LCOR: variants seen among roughly 807,000 people sequenced by gnomAD.
The protein encoded by LCOR is ligand dependent nuclear receptor corepressor.
A neutral mutation model predicts 64.4 loss-of-function variants in LCOR; 14 were observed. That is an observed-to-expected ratio of 0.22 (90% CI 0.14 to 0.34). The LOEUF (loss-of-function observed/expected upper bound fraction) is 0.34. LCOR is among the 10% of genes least tolerant of loss of function. LCOR has a pLI of 1.00. For missense variants in LCOR, 1,686 were observed against 1,765.3 expected (o/e 0.96, Z 0.80); for synonymous variants, 643 against 642.5 (o/e 1.00, Z -0.01).
At chr10:96,865,463 T>C in intron 2 of LCOR, among the ~76,000 whole-genome samples, 1 of 152,220 alleles carries the variant, frequency 6.6e-6, no homozygotes, top group East Asian at 1.9e-4. Context: ...TCTATCTCTC[T>C]CTTTCCAAAA....
At chr10:96,966,257 C>A (rs1039825695) in intron 7 of LCOR, among the ~76,000 whole-genome samples, 1 of 106,486 alleles carries the variant, frequency 9.4e-6, no homozygotes, top group Non-Finnish European at 1.7e-5. Context: ...GAGACGGAGT[C>A]TCGCTGTGTC....
intron 4 of LCOR, among the ~76,000 whole-genome samples, chr10:96,923,529 AC>A (rs1441651451): frequency 1.3e-5 from 2 of 152,176 alleles, no homozygotes; most frequent in Non-Finnish European, 2.9e-5. Context: ...AAAATAAGTA[AC>A]ACTATGTAAG....
At chr10:96,972,468 G>A (rs560313673) in intron 7 of LCOR, among the ~76,000 whole-genome samples, 1 of 152,120 alleles carries the variant, frequency 6.6e-6, no homozygotes, top group Non-Finnish European at 1.5e-5. Context: ...TTGACCTGCT[G>A]TGCTTAATGA....
At position 96,949,039 on chromosome 10, in the gene LCOR, C is replaced by G. The variant is rs1847632655; in HGVS notation, c.-19C>G. ...CCTGGGTCTCCGACCCCAATATTCCCCTAGTGGCCCGTGAGATCATGCAGC... is the reference window on the plus strand; with the variant it reads ...CCTGGGTCTCCGACCCCAATATTCCGCTAGTGGCCCGTGAGATCATGCAGC... On this transcript the variant is annotated 5_prime_UTR_variant, in exon 6 of 8. Coordinates refer to ENST00000421806, the MANE Select transcript of LCOR (RefSeq NM_001346516.2). 6.2e-7 allele frequency: 1 copy of G among 1,613,410 alleles called. No homozygotes were observed. Among genetic ancestry groups the G allele is most frequent in the Admixed American group, 1.7e-5 (1 of 59,970 alleles).
At chr10:96,951,876 C>T (rs1211707701) in intron 6 of LCOR, among the ~76,000 whole-genome samples, 2 of 152,158 alleles carry the variant, frequency 1.3e-5, no homozygotes, top group Non-Finnish European at 2.9e-5. Context: ...TTTACCTTTT[C>T]TTTTGCCCCA....
intron 4 of LCOR, among the ~76,000 whole-genome samples, chr10:96,942,245 G>A (rs1191459949): frequency 2.0e-5 from 3 of 150,776 alleles, no homozygotes; most frequent in African/African-American, 7.4e-5. Flanking sequence ...CTGGAGACCA[G>A]CCCGGCCAAC....
At chr10:96,868,590 A>G (rs1485941238) in intron 2 of LCOR, among the ~76,000 whole-genome samples, 1 of 152,002 alleles carries the variant, frequency 6.6e-6, no homozygotes, top group Non-Finnish European at 1.5e-5. Flanking sequence ...GTTACTTTTT[A>G]AAAGTCATCA....
At chr10:96,975,643 C>T (rs554137600) in intron 7 of LCOR, among the ~76,000 whole-genome samples, 1 of 151,422 alleles carries the variant, frequency 6.6e-6, no homozygotes, top group African/African-American at 2.4e-5. Flanking sequence ...TCCCTGCACT[C>T]AAGTAGCTTA....
chr10:96,866,390 C>T (rs889406003), intron 2 of LCOR, among the ~76,000 whole-genome samples: 2 of 152,100 alleles, frequency 1.3e-5, no homozygotes, highest in African/African-American at 2.4e-5. Flanking sequence ...TACCTCAGTT[C>T]GTTTATCCAT....
rs1480521935 is a variant in LCOR at position 96,992,618 on chromosome 10, T to C, written c.*7484T>C. Reference sequence around the variant, plus strand: ...ACTTCTTGCATGCACAGTTGGTACATTTAGCTGTATGGCATCGGGTGTGCC... The same window carrying C: ...ACTTCTTGCATGCACAGTTGGTACACTTAGCTGTATGGCATCGGGTGTGCC... On this transcript the variant is annotated 3_prime_UTR_variant, in exon 8 of 8. Coordinates refer to ENST00000421806, the MANE Select transcript of LCOR (RefSeq NM_001346516.2). 6 of 152,214 alleles carry C rather than the reference T, an allele frequency of 3.9e-5. No individual in the cohort carries two copies. Among genetic ancestry groups the C allele is most frequent in the Non-Finnish European group, 7.3e-5 (5 of 68,054 alleles). The allele number at this position is 152,214 out of a possible 1,614,324, so 9.4% of individuals were successfully genotyped here.
intron 2 of LCOR, among the ~76,000 whole-genome samples, chr10:96,868,135 C>G (rs1048850107): frequency 6.6e-6 from 1 of 152,102 alleles, no homozygotes; most frequent in Non-Finnish European, 1.5e-5. Flanking sequence ...CCACCCGCCT[C>G]GGCCTCCCAA....
intron 2 of LCOR, among the ~76,000 whole-genome samples, chr10:96,847,061 G>A (rs984795572): frequency 6.6e-6 from 1 of 152,054 alleles, no homozygotes. Context: ...TGTGCTGCAT[G>A]GTGAAACCCC....
intron 2 of LCOR, among the ~76,000 whole-genome samples, chr10:96,902,552 T>G (rs1846657969): frequency 6.6e-6 from 1 of 152,200 alleles, no homozygotes; most frequent in African/African-American, 2.4e-5. Flanking sequence ...TAAAAAGAAT[T>G]GATTACCTTA....
At position 96,983,596 on chromosome 10, in the gene LCOR, G is replaced by T; in HGVS notation, c.3136G>T (p.Ala1046Ser). ...CTCTTCAACCTACAACCTAAGACACGCTCATTCTCTGGGCTCCTTGGATGC... is the reference window on the plus strand; with the variant it reads ...CTCTTCAACCTACAACCTAAGACACTCTCATTCTCTGGGCTCCTTGGATGC... ...LTSSTYNLRH[A>S]HSLGSLDASK... Residue 1046 changes from alanine (A) to serine (S), a missense_variant, in exon 8 of 8, where the codon GCT becomes TCT. Ala to Ser is a moderately conservative substitution (Grantham distance 99, BLOSUM62 1). Transcript: ENST00000421806. This position sits in a 1 kb window ranked among gnomAD's most constrained non-coding sequence, Gnocchi z 4.5. The T allele has an allele frequency of 6.2e-7, 1 of 1,614,192 alleles. No homozygotes were observed. The highest frequency in any genetic ancestry group is 8.5e-7 in the Non-Finnish European group (1 of 1,180,042).
chr10:96,848,292 A>G (rs1845666448), intron 2 of LCOR, among the ~76,000 whole-genome samples: 1 of 152,250 alleles, frequency 6.6e-6, no homozygotes, highest in Non-Finnish European at 1.5e-5. Context: ...GAACAGAAGT[A>G]TAAGCAATGA....
At chr10:96,865,874 CAA>C (rs57814101) in intron 2 of LCOR, among the ~76,000 whole-genome samples, 152 of 88,940 alleles carry the variant, frequency 1.7e-3, no homozygotes, top group Middle Eastern at 5.3e-3. Flanking sequence ...GACTCTGTCT[CAA>C]AAAAAAAAAA....
At chr10:96,874,252 G>A (rs1006021479) in intron 2 of LCOR, among the ~76,000 whole-genome samples, 1 of 152,058 alleles carries the variant, frequency 6.6e-6, no homozygotes, top group African/African-American at 2.4e-5. Flanking sequence ...TTCCACGTGC[G>A]CCATCATTAA....
chr10:96,903,783 T>C (rs1846682767), intron 2 of LCOR, among the ~76,000 whole-genome samples: 1 of 152,186 alleles, frequency 6.6e-6, no homozygotes, highest in African/African-American at 2.4e-5. Flanking sequence ...TCTTCTGTTT[T>C]CGAGAGCTGT....
Position 96,858,357 on chromosome 10 carries a change from A to G in LCOR, c.-330+24878A>G, listed in dbSNP as rs144468109. ...TTAAGTAAAGGTCTGGGGATTTTCG[A>G]CAGACAAATTGGTAAAAGTTGGAGG... On this transcript the variant is annotated intron_variant, in intron 2 of 7. Coordinates refer to ENST00000421806, the MANE Select transcript of LCOR (RefSeq NM_001346516.2). Among the ~76,000 whole-genome samples, 33 of 152,328 alleles carry G rather than the reference A, an allele frequency of 2.2e-4. 1 individual carries two copies. The East Asian group carries it at 6.0e-3, about 28-fold the overall frequency.
Sources: allele counts gnomAD v4.1 joint callset (sites outside exome capture counted in the v4.1 genomes callset), GRCh38; gene constraint gnomAD v4.1.1; non-coding constraint Gnocchi (gnomAD v3.1); transcripts MANE v1.5; gene names NCBI Gene and HGNC (gene_info 2026-07-23, HGNC 2026-07-21).